Variants in SYT2 observed in about 807,000 individuals in gnomAD.
SYT2 encodes synaptotagmin 2, also known as synaptotagmin-2.
In SYT2, 15 loss-of-function variants were observed where a neutral mutation model predicts 39.9. The observed-to-expected ratio is 0.38, with a 90% CI of 0.25 to 0.58. The LOEUF (loss-of-function observed/expected upper bound fraction) is 0.58. Ranked by LOEUF, SYT2 falls within the 20% of genes least tolerant of loss-of-function variation. SYT2 has a pLI of 0.70. For missense variants in SYT2, 389 were observed against 530.3 expected (o/e 0.73, Z 2.62); for synonymous variants, 181 against 204.5 (o/e 0.89, Z 0.98).
intron 8 of SYT2, among the ~76,000 whole-genome samples, chr1:202,597,826 A>C (rs146489686): frequency 6.6e-6 from 1 of 152,228 alleles, no homozygotes; most frequent in Non-Finnish European, 1.5e-5. Context: ...GACAGTGGGG[A>C]TGGGAAGTCA....
intron 1 of SYT2, among the ~76,000 whole-genome samples, chr1:202,708,759 A>C (rs1460277663): frequency 6.6e-6 from 1 of 152,142 alleles, no homozygotes; most frequent in Non-Finnish European, 1.5e-5. Flanking sequence ...ACTGCATCAG[A>C]GCCACCCTGC....
chr1:202,674,103 GTTTTA>G (rs1357597672), intron 1 of SYT2, among the ~76,000 whole-genome samples: 5 of 152,184 alleles, frequency 3.3e-5, no homozygotes, highest in African/African-American at 9.6e-5. Context: ...ATATTTATTT[GTTTTA>G]TTTTATTTTT....
At chr1:202,698,097 G>A (rs184433457) in intron 1 of SYT2, among the ~76,000 whole-genome samples, 10 of 142,226 alleles carry the variant, frequency 7.0e-5, no homozygotes, top group East Asian at 4.4e-4. Flanking sequence ...ACAGGGCAGC[G>A]TCCAGGGTCT....
chr1:202,656,176 A>G (rs1232600790), intron 1 of SYT2, among the ~76,000 whole-genome samples: 1 of 152,210 alleles, frequency 6.6e-6, no homozygotes, highest in Non-Finnish European at 1.5e-5. Flanking sequence ...ATGCATGCAC[A>G]CAGGCACAAA....
At chr1:202,634,894 G>A (rs1462562165) in intron 1 of SYT2, among the ~76,000 whole-genome samples, 2 of 152,228 alleles carry the variant, frequency 1.3e-5, no homozygotes, top group East Asian at 3.9e-4. Context: ...AAGAATCGAG[G>A]GTGACTGTTA....
In SYT2 at chr1:202,628,649, A is replaced by G. The variant is rs57334503; in HGVS notation, c.-17-22860T>C. ...CCGGGGGCCGGGACAGACATGGGAG[A>G]TAGGGGCCAGGAGGGATGAACCATG... On this transcript the variant is annotated intron_variant, in intron 1 of 8. Coordinates refer to ENST00000367268, the MANE Select transcript of SYT2 (RefSeq NM_177402.5). The surrounding 1 kb of genome is among the most constrained non-coding windows in gnomAD (Gnocchi z 4.2). 0.32 allele frequency among the ~76,000 whole-genome samples: 48,710 copies of G among 152,120 alleles called. 8,144 individuals carry two copies. The highest frequency in any genetic ancestry group is 0.37 in the African/African-American group (15,378 of 41,488).
intron 1 of SYT2, among the ~76,000 whole-genome samples, chr1:202,629,877 G>T (rs1172461626): frequency 1.6e-5 from 2 of 124,798 alleles, no homozygotes; most frequent in Non-Finnish European, 3.6e-5. Context: ...TGGGGGGGGG[G>T]GGGTGGTACG....
intron 1 of SYT2, chr1:202,636,474 G>T: frequency 6.9e-6 from 6 of 867,500 alleles, no homozygotes; most frequent in Admixed American, 6.2e-5. Context: ...CATCTTGGGA[G>T]AAGTGAGAAA....
chr1:202,596,399 C>T lies in SYT2; in HGVS notation c.*358G>A, dbSNP rs1572603597. 8.8e-6 allele frequency: 2 copies of T among 226,564 alleles called. No homozygotes were observed. Among genetic ancestry groups the T allele is most frequent in the East Asian group, 2.4e-4 (2 of 8,216 alleles). 14.0% of individuals were successfully genotyped at this position (226,564 alleles called of 1,614,324 possible). A position where few individuals can be genotyped will look rare whatever the true frequency, so the allele number is the denominator to read the frequency against. On this transcript the variant is annotated 3_prime_UTR_variant, in exon 9 of 9. Transcript: ENST00000367268. ...CAGGATGTGCTGCCATTTTGTTGGT[C>T]CAGAAGGCTCAAAAAACAGGAACTG...
chr1:202,624,851 GTA>G, intron 1 of SYT2, among the ~76,000 whole-genome samples: 1 of 6,216 alleles, frequency 1.6e-4, no homozygotes, highest in South Asian at 3.7e-3. Context: ...TGTGTGGTGT[GTA>G]GTAGGGTGTG....
chr1:202,604,251 C>G (rs1690621109), intron 3 of SYT2: 2 of 588,650 alleles, frequency 3.4e-6, no homozygotes, highest in South Asian at 4.7e-5. Context: ...GGGATGAGTT[C>G]ATGCTAACAC....
At chr1:202,648,729 TCA>T (rs984257695) in intron 1 of SYT2, among the ~76,000 whole-genome samples, 1 of 152,154 alleles carries the variant, frequency 6.6e-6, no homozygotes, top group Non-Finnish European at 1.5e-5. Context: ...TGAACTGTGT[TCA>T]CAGTCAGGCT....
rs150088726 is a variant in SYT2 at position 202,654,599 on chromosome 1, G to A, written c.-17-48810C>T. Among the ~76,000 whole-genome samples the A allele has an allele frequency of 3.3e-3, 497 of 152,332 alleles. 1 individual carries two copies. The highest frequency in any genetic ancestry group is 5.1e-3 in the Non-Finnish European group (346 of 68,026). ...AGACAAGGTTGTGCCCTCATGGGGA[G>A]TTCATCCTACTTGGAGAGGTGACAC... On this transcript the variant is annotated intron_variant, in intron 1 of 8. Coordinates refer to ENST00000367268, the MANE Select transcript of SYT2 (RefSeq NM_177402.5).
chr1:202,624,506 G>A (rs1384681855), intron 1 of SYT2, among the ~76,000 whole-genome samples: 8 of 149,432 alleles, frequency 5.4e-5, no homozygotes, highest in Admixed American at 5.3e-4. Context: ...AGGTGTGTAT[G>A]GTGTGTGTCT....
rs906648217 is a variant in SYT2, at chr1:202,599,475, C to T, written c.920-124G>A. Reference sequence around the variant, plus strand: ...GTCTTCACTCCGCTGAGACCAGGCCCTCAGAAAGCCCCAAGTCATGCCATC... The same window carrying T: ...GTCTTCACTCCGCTGAGACCAGGCCTTCAGAAAGCCCCAAGTCATGCCATC... On this transcript the variant is annotated intron_variant, in intron 7 of 8. Coordinates refer to ENST00000367268, the MANE Select transcript of SYT2 (RefSeq NM_177402.5). The surrounding 1 kb of genome is among the most constrained non-coding windows in gnomAD (Gnocchi z 4.4). 1 of 1,134,824 alleles carries T rather than the reference C, an allele frequency of 8.8e-7. No homozygotes were observed. The highest frequency in any genetic ancestry group is 1.2e-6 in the Non-Finnish European group (1 of 822,292). The allele number at this position is 1,134,824 out of a possible 1,614,324, so 70.3% of individuals were successfully genotyped here. A position where few individuals can be genotyped will look rare whatever the true frequency, so the allele number is the denominator to read the frequency against.
Position 202,691,835 on chromosome 1 carries a change from C to T in SYT2, c.-18+18423G>A, listed in dbSNP as rs1653844977. ...CTGGAGAATAGAGGAGAGTTCCCTC[C>T]TCCCTGCAGGTTTCCTGGAGCCTGG... is the stretch of plus-strand genomic sequence containing the variant. On this transcript the variant is annotated intron_variant, in intron 1 of 8. Coordinates refer to ENST00000367268, the MANE Select transcript of SYT2 (RefSeq NM_177402.5). Among the ~76,000 whole-genome samples the T allele has an allele frequency of 2.0e-5, 3 of 149,818 alleles. No homozygotes were observed. In the South Asian group the frequency reaches 6.3e-4, roughly 32 times the overall value.
At chr1:202,669,430 TC>T (rs1334118250) in intron 1 of SYT2, among the ~76,000 whole-genome samples, 7 of 151,732 alleles carry the variant, frequency 4.6e-5, no homozygotes, top group African/African-American at 1.5e-4. Context: ...GGCGGGTGGA[TC>T]ATGAAGTCAG....
intron 1 of SYT2, among the ~76,000 whole-genome samples, chr1:202,690,445 C>T (rs1211920649): frequency 1.3e-5 from 2 of 152,208 alleles, no homozygotes; most frequent in Non-Finnish European, 2.9e-5. Context: ...GCTCCAGCGC[C>T]ATTCTAGAGG....
At chr1:202,693,031 G>T (rs188928070) in intron 1 of SYT2, among the ~76,000 whole-genome samples, 1 of 152,334 alleles carries the variant, frequency 6.6e-6, no homozygotes, top group Admixed American at 6.5e-5. Flanking sequence ...AACAGATGGT[G>T]TTTGGTTACA....
Sources: allele counts gnomAD v4.1 joint callset (sites outside exome capture counted in the v4.1 genomes callset), GRCh38; gene constraint gnomAD v4.1.1; non-coding constraint Gnocchi (gnomAD v3.1); transcripts MANE v1.5; gene names NCBI Gene and HGNC (gene_info 2026-07-23, HGNC 2026-07-21).